The following PSD3 variants were observed in gnomAD, a reference collection of about 807,000 sequenced individuals.
The protein encoded by PSD3 is PH and SEC7 domain-containing protein 3.
A neutral mutation model predicts 105.5 loss-of-function variants in PSD3; 49 were observed. The observed-to-expected ratio is 0.46, with a 90% CI of 0.37 to 0.59. The LOEUF (loss-of-function observed/expected upper bound fraction) is 0.59, where lower values mean the gene tolerates loss of function less well. PSD3 is among the 20% of genes least tolerant of loss of function. The probability of loss-of-function intolerance (pLI) is 0.00; values close to 1 mark genes in which losing one functional copy is unlikely to be tolerated. For missense variants in PSD3, 1,561 were observed against 1,263.8 expected, an observed-to-expected ratio of 1.24 and a Z score of -3.57; for synonymous variants, 557 against 457.8, an observed-to-expected ratio of 1.22 and a Z score of -2.77.
chr8:18,951,431 C>T (rs182917559), intron 1 of PSD3, among the ~76,000 whole-genome samples: 1 of 152,088 alleles, frequency 6.6e-6, no homozygotes, highest in Admixed American at 6.5e-5. Context: ...CAAAAAGGAC[C>T]ACGGAACAGC....
chr8:18,903,540 T>C (rs1363621086), intron 2 of PSD3, among the ~76,000 whole-genome samples: 4 of 152,156 alleles, frequency 2.6e-5, no homozygotes, highest in African/African-American at 7.2e-5. Flanking sequence ...GGAAGCAGGA[T>C]ACAAGAGCTG....
intron 2 of PSD3, among the ~76,000 whole-genome samples, chr8:18,914,841 G>A (rs1820478528): frequency 6.6e-6 from 1 of 152,110 alleles, no homozygotes; most frequent in Non-Finnish European, 1.5e-5. Context: ...TTTTCAGGGA[G>A]ATGGAAGAAC....
In PSD3 at chr8:18,632,679, T is replaced by G; in HGVS notation, c.2344A>C (p.Asn782His). The G allele has an allele frequency of 6.2e-7, 1 of 1,612,848 alleles. No individual in the cohort carries two copies. The highest frequency in any genetic ancestry group is 1.1e-5 in the South Asian group (1 of 91,030). ...NPFLDIPHDP[N>H]AAVYKSGFLA... ...AATCCACTTTTGTACACAGCAGCATTTGGATCATGAGGAATGTCCAAAAAT... is the reference window on the plus strand; with the variant it reads ...AATCCACTTTTGTACACAGCAGCATGTGGATCATGAGGAATGTCCAAAAAT... Residue 782 changes from asparagine (N) to histidine (H), a missense_variant, in exon 11 of 16, where the codon AAT becomes CAT. Asn to His is a moderately conservative substitution (Grantham distance 68, BLOSUM62 1). Transcript: ENST00000327040.
chr8:18,547,520 G>A (rs1800519090), intron 15 of PSD3, among the ~76,000 whole-genome samples: 1 of 152,126 alleles, frequency 6.6e-6, no homozygotes, highest in African/African-American at 2.4e-5. Flanking sequence ...GAGGCAGGGT[G>A]CCCCATCACC....
chr8:18,841,856 GAGAC>G (rs1299841226), intron 4 of PSD3, among the ~76,000 whole-genome samples: 1 of 152,114 alleles, frequency 6.6e-6, no homozygotes, highest in Non-Finnish European at 1.5e-5. Context: ...AGCTAGTAAA[GAGAC>G]CCTAATCCCT....
chr8:18,989,300 T>G (rs1825670310), intron 1 of PSD3: 1 of 152,226 alleles, frequency 6.6e-6, no homozygotes, highest in South Asian at 2.1e-4. Flanking sequence ...GCTGAGTGAC[T>G]GGACAGATTT....
At chr8:18,583,792 T>C (rs17126862) in intron 12 of PSD3, among the ~76,000 whole-genome samples, 2,734 of 151,436 alleles carry the variant, frequency 0.018, 83 homozygotes, top group African/African-American at 0.064. Flanking sequence ...TGAATTGGCC[T>C]TTTGTTTGTT....
chr8:18,914,220 T>G (rs1820433181), intron 2 of PSD3, among the ~76,000 whole-genome samples: 1 of 151,384 alleles, frequency 6.6e-6, no homozygotes, highest in Non-Finnish European at 1.5e-5. Flanking sequence ...AAAACACCTT[T>G]CAACAAATCA....
chr8:18,604,913 C>T (rs1199524474), intron 11 of PSD3, among the ~76,000 whole-genome samples: 1 of 152,214 alleles, frequency 6.6e-6, no homozygotes, highest in African/African-American at 2.4e-5. Flanking sequence ...GAACTGAGGC[C>T]TGGGAGTCTC....
intron 9 of PSD3, among the ~76,000 whole-genome samples, chr8:18,702,506 C>T (rs1248853453): frequency 1.3e-5 from 2 of 152,146 alleles, no homozygotes; most frequent in Non-Finnish European, 2.9e-5. Context: ...CAACAATGTG[C>T]AATGATCAAG....
At chr8:19,062,071 G>C (rs1039629966) in intron 1 of PSD3, among the ~76,000 whole-genome samples, 3 of 152,128 alleles carry the variant, frequency 2.0e-5, no homozygotes, top group Non-Finnish European at 4.4e-5. Context: ...TCACTTTCTA[G>C]ACTTCTCTTA....
intron 10 of PSD3, among the ~76,000 whole-genome samples, chr8:18,636,105 C>A (rs1585455989): frequency 6.6e-6 from 1 of 152,078 alleles, no homozygotes; most frequent in African/African-American, 2.4e-5. Context: ...GCTTCATGCA[C>A]GCCCCTGAAG....
At chr8:18,828,152 G>C (rs570425089) in intron 4 of PSD3, among the ~76,000 whole-genome samples, 1 of 149,146 alleles carries the variant, frequency 6.7e-6, no homozygotes, top group African/African-American at 2.5e-5. Flanking sequence ...AGAGCTACAA[G>C]CTATGTCCTC....
intron 2 of PSD3, among the ~76,000 whole-genome samples, chr8:18,921,577 G>C (rs981015212): frequency 2.6e-5 from 4 of 152,194 alleles, no homozygotes; most frequent in African/African-American, 9.7e-5. Flanking sequence ...GTCACGGGGA[G>C]TCTCTTTAAG....
At chr8:18,782,422 A>G (rs1004581142) in intron 8 of PSD3, among the ~76,000 whole-genome samples, 1 of 151,766 alleles carries the variant, frequency 6.6e-6, no homozygotes, top group Non-Finnish European at 1.5e-5. Context: ...TCTCCATATG[A>G]CTTCTTTGAC....
intron 9 of PSD3, among the ~76,000 whole-genome samples, chr8:18,676,089 A>T (rs745503564): frequency 5.7e-4 from 86 of 151,870 alleles, no homozygotes; most frequent in Non-Finnish European, 9.9e-4. Context: ...ATATATATAT[A>T]TTTTTTTCTC....
chr8:18,576,926 C>T (rs367846659), intron 12 of PSD3, among the ~76,000 whole-genome samples: 1 of 150,986 alleles, frequency 6.6e-6, no homozygotes, highest in African/African-American at 2.4e-5. Context: ...ATGATTTAAG[C>T]TTTTATCTTA....
intron 9 of PSD3, among the ~76,000 whole-genome samples, chr8:18,671,780 C>G (rs567635494): frequency 1.3e-5 from 2 of 151,996 alleles, no homozygotes; most frequent in Admixed American, 1.3e-4. Context: ...TATAGGTGCC[C>G]GCCATGACGT....
chr8:18,588,925 G>A (rs770903022), intron 12 of PSD3, among the ~76,000 whole-genome samples: 2 of 152,206 alleles, frequency 1.3e-5, no homozygotes, highest in African/African-American at 4.8e-5. Context: ...CCCTGAGATG[G>A]AGTGGGTGGA....
Sources: allele counts gnomAD v4.1 joint callset (sites outside exome capture counted in the v4.1 genomes callset), GRCh38; gene constraint gnomAD v4.1.1; transcripts MANE v1.5; gene names NCBI Gene and HGNC (gene_info 2026-07-23, HGNC 2026-07-21).